The following SRGAP3 variants were observed in gnomAD, a reference collection of about 807,000 sequenced individuals.
SRGAP3 encodes the protein SLIT-ROBO Rho GTPase-activating protein 3.
Under a neutral mutation model 121.1 loss-of-function variants are expected in SRGAP3, and 39 were observed. That is an observed-to-expected ratio of 0.32 (90% CI 0.25 to 0.42). SRGAP3 has a LOEUF of 0.42. Ranked by LOEUF, SRGAP3 falls within the 10% of genes least tolerant of loss-of-function variation. The pLI is 1.00. For synonymous variants in SRGAP3, 601 were observed against 570.0 expected, an observed-to-expected ratio of 1.05 and a Z score of -0.77; for missense variants, 1,213 against 1,470.6, an observed-to-expected ratio of 0.82 and a Z score of 2.86.
chr3:9,291,295 T>C (rs192301543), intron 3 of SRGAP3, among the ~76,000 whole-genome samples: 4 of 152,266 alleles, frequency 2.6e-5, no homozygotes, highest in Admixed American at 2.0e-4. Flanking sequence ...CTGAAGAGAT[T>C]ACAAAACCTG....
At chr3:9,032,843 G>T in intron 11 of SRGAP3, 91 bp from the exon 12 acceptor site, 3 of 1,184,176 alleles carry the variant, frequency 2.5e-6, no homozygotes, top group South Asian at 1.3e-5. Context: ...GACTAAAGGG[G>T]AACACAAAAT....
Position 8,985,985 on chromosome 3 carries a change from C to T in SRGAP3, c.2887-53G>A. On this transcript the variant is annotated intron_variant, in intron 21 of 21. Coordinates refer to ENST00000383836, the MANE Select transcript of SRGAP3 (RefSeq NM_014850.4). The surrounding 1 kb of genome is among the most constrained non-coding windows in gnomAD (Gnocchi z 5.1). ...ACAGTCTGGAGACCTGGAGTCAGGT[C>T]CTTCCTGTCTGCTAAGCAGCTTCCC... 6 of 1,599,024 alleles carry T rather than the reference C, an allele frequency of 3.8e-6. No individual in the cohort carries two copies. Among genetic ancestry groups the T allele is most frequent in the Non-Finnish European group, 5.1e-6 (6 of 1,179,724 alleles).
rs1950661948 is a variant in SRGAP3, at chr3:9,163,302, C to T, written c.68-38385G>A. On this transcript the variant is annotated intron_variant, in intron 1 of 21. Transcript: ENST00000383836. ...TCCAACCTGCGGCTCCAAGCTAAGG[C>T]GGCAGGGCCTGGGGCCTCCTCCAGG... Among the ~76,000 whole-genome samples the T allele has an allele frequency of 2.6e-5, 4 of 152,330 alleles. No homozygotes were observed. The South Asian group carries it at 8.3e-4, about 32-fold the overall frequency.
rs557221138 is a variant in SRGAP3, at chr3:9,287,049, T to C, written n.442+38961A>G. ...CTCTGTCACCCAGGCTGGATTGGAGTACTGCATTTATGGCTCACTGCAGCC... is the reference window on the plus strand; with the variant it reads ...CTCTGTCACCCAGGCTGGATTGGAGCACTGCATTTATGGCTCACTGCAGCC... On this transcript the variant is annotated intron_variant and non_coding_transcript_variant, in intron 3 of 3. Transcript: ENST00000490889. Among the ~76,000 whole-genome samples, 34 of 133,672 alleles carry C rather than the reference T, an allele frequency of 2.5e-4. No homozygotes were observed. In the East Asian group the frequency reaches 6.7e-3, roughly 27 times the overall value. The allele number at this position is 133,672 out of a possible 152,430, so 87.7% of individuals were successfully genotyped here. A position where few individuals can be genotyped will look rare whatever the true frequency, so the allele number is the denominator to read the frequency against.
intron 14 of SRGAP3, among the ~76,000 whole-genome samples, chr3:9,021,103 C>G (rs1449365739): frequency 4.6e-5 from 7 of 152,212 alleles, no homozygotes; most frequent in Non-Finnish European, 7.3e-5. Context: ...ACATGACAAC[C>G]CCGCCCAGCA....
intron 3 of SRGAP3, among the ~76,000 whole-genome samples, chr3:9,261,341 G>T (rs968821066): frequency 6.6e-6 from 1 of 152,016 alleles, no homozygotes; most frequent in Non-Finnish European, 1.5e-5. Flanking sequence ...AGCTGGATGG[G>T]GAATGAGTTT....
At chr3:9,362,880 A>G (rs1359840222) in exon 1 of SRGAP3, 1 of 152,134 alleles carries the variant, frequency 6.6e-6, no homozygotes, top group Non-Finnish European at 1.5e-5. Flanking sequence ...AACGTTAGCA[A>G]ATACCATGGT....
intron 1 of SRGAP3, among the ~76,000 whole-genome samples, chr3:9,196,466 T>C (rs1951919656): frequency 6.6e-6 from 1 of 152,256 alleles, no homozygotes; most frequent in Admixed American, 6.5e-5. Flanking sequence ...AAATACAGTA[T>C]ATTTGTTTTA....
At chr3:9,176,986 C>T in intron 1 of SRGAP3, among the ~76,000 whole-genome samples, 1 of 152,202 alleles carries the variant, frequency 6.6e-6, no homozygotes, top group Middle Eastern at 3.2e-3. Context: ...GAGAGCTGGC[C>T]TGGGAGGTCC....
chr3:9,217,848 G>A (rs572462500), intron 1 of SRGAP3: 1 of 152,224 alleles, frequency 6.6e-6, no homozygotes, highest in South Asian at 2.1e-4. Context: ...CACCCCTGCA[G>A]GCCCCAGGCC....
intron 1 of SRGAP3, 66 bp downstream of exon 1, chr3:9,248,819 T>C: frequency 6.6e-7 from 1 of 1,516,220 alleles, no homozygotes; most frequent in Non-Finnish European, 9.2e-7. Context: ...CAGCGGGGGA[T>C]GGGAACCAGA....
At chr3:9,180,297 G>A (rs943016572) in intron 1 of SRGAP3, among the ~76,000 whole-genome samples, 4 of 152,220 alleles carry the variant, frequency 2.6e-5, no homozygotes, top group Admixed American at 6.5e-5. Flanking sequence ...CTCAAGACAG[G>A]CTGTTTGGTT....
intron 2 of SRGAP3, 52 bp downstream of exon 2, chr3:9,124,673 G>A (rs1575110231): frequency 1.4e-5 from 23 of 1,609,280 alleles, no homozygotes; most frequent in African/African-American, 5.3e-5. Context: ...CCAACTGTCC[G>A]CCCACCCCAG....
At chr3:9,211,057 G>A (rs1279288806) in intron 1 of SRGAP3, among the ~76,000 whole-genome samples, 1 of 152,104 alleles carries the variant, frequency 6.6e-6, no homozygotes, top group Non-Finnish European at 1.5e-5. Context: ...CACTTTCTTT[G>A]TGGTTCCCTT....
chr3:9,149,176 T>C (rs1950126606), intron 1 of SRGAP3, among the ~76,000 whole-genome samples: 1 of 141,718 alleles, frequency 7.1e-6, no homozygotes, highest in Non-Finnish European at 1.5e-5. Flanking sequence ...ATCGCGCCAC[T>C]GCACTCCAGC....
chr3:9,125,887 C>T (rs1949205379), intron 1 of SRGAP3, among the ~76,000 whole-genome samples: 1 of 152,182 alleles, frequency 6.6e-6, no homozygotes, highest in Non-Finnish European at 1.5e-5. Flanking sequence ...ACATTCAAGA[C>T]CATCCACCAA....
chr3:9,281,775 C>T (rs926734205), intron 3 of SRGAP3, among the ~76,000 whole-genome samples: 1 of 152,040 alleles, frequency 6.6e-6, no homozygotes, highest in African/African-American at 2.4e-5. Flanking sequence ...CGGGTTCAAG[C>T]GATTCTCATG....
At position 8,980,942 on chromosome 3, in the gene SRGAP3, C is replaced by G. The variant is rs924006722; in HGVS notation, c.*4577G>C. The stretch of plus-strand genomic sequence containing the variant: ...ACAAGGGCCTGGGCAGAAACCCTAG[C>G]CAGGATCTACTTCCGTCTAAGGAAG... On this transcript the variant is annotated 3_prime_UTR_variant, in exon 22 of 22. Transcript: ENST00000383836. The G allele has an allele frequency of 1.7e-5, 4 of 233,308 alleles. No individual in the cohort carries two copies. In the Admixed American group the frequency reaches 2.2e-4, roughly 13 times the overall value. 14.5% of individuals were successfully genotyped at this position (233,308 alleles called of 1,614,324 possible). A position where few individuals can be genotyped will look rare whatever the true frequency, so the allele number is the denominator to read the frequency against.
chr3:8,998,887 C>T (rs1193116445), intron 18 of SRGAP3, among the ~76,000 whole-genome samples: 1 of 152,134 alleles, frequency 6.6e-6, no homozygotes, highest in Non-Finnish European at 1.5e-5. Flanking sequence ...GAATGATGGG[C>T]CTAGGGTTGG....
Sources: allele counts gnomAD v4.1 joint callset (sites outside exome capture counted in the v4.1 genomes callset), GRCh38; gene constraint gnomAD v4.1.1; non-coding constraint Gnocchi (gnomAD v3.1); transcripts MANE v1.5; gene names NCBI Gene and HGNC (gene_info 2026-07-23, HGNC 2026-07-21).